Variants in RPL31 observed in about 807,000 individuals in gnomAD.
The protein encoded by RPL31 is large ribosomal subunit protein eL31.
For synonymous variants in RPL31, 51 were observed against 55.0 expected, an observed-to-expected ratio of 0.93 and a Z score of 0.32; for missense variants, 95 against 164.0, an observed-to-expected ratio of 0.58 and a Z score of 2.30.
intron 2 of RPL31, 40 bp from the exon 3 acceptor site, chr2:101,004,118 T>A: frequency 1.9e-6 from 3 of 1,599,680 alleles, no homozygotes; most frequent in Non-Finnish European, 2.6e-6. Flanking sequence ...TAATTTAGTT[T>A]TGTGCTCCTT....
chr2:101,006,205 T>C (rs1433602525), intron 4 of RPL31, 134 bp downstream of exon 4: 17 of 1,508,524 alleles, frequency 1.1e-5, no homozygotes, highest in Non-Finnish European at 1.5e-5. Context: ...TGTGGGAAGA[T>C]GCTAAAGAAT....
At chr2:101,012,725 G>C (rs894657207) in intron 4 of RPL31, among the ~76,000 whole-genome samples, 2 of 152,226 alleles carry the variant, frequency 1.3e-5, no homozygotes, top group South Asian at 4.1e-4. Flanking sequence ...ACAATTATCG[G>C]GGATGACAGG....
At chr2:101,009,037 C>T (rs564869815), downstream of RPL31, among the ~76,000 whole-genome samples, 5 of 152,210 alleles carry the variant, frequency 3.3e-5, no homozygotes, top group African/African-American at 7.2e-5. Context: ...ATTGAGAATA[C>T]GTAATGTGAG....
chr2:101,010,398 G>T (rs899414447), downstream of RPL31, among the ~76,000 whole-genome samples: 1 of 152,130 alleles, frequency 6.6e-6, no homozygotes, highest in African/African-American at 2.4e-5. Flanking sequence ...CTGGATAAAT[G>T]AATTTTATAC....
In RPL31 at chr2:101,019,042, G is replaced by C. The variant is rs749025644; in HGVS notation, c.*4G>C. The C allele has an allele frequency of 2.9e-5, 46 of 1,610,828 alleles. No individual in the cohort carries two copies. The South Asian group carries it at 4.7e-4, about 16-fold the overall frequency. On this transcript the variant is annotated 3_prime_UTR_variant, in exon 5 of 5. Coordinates refer to the RPL31 transcript ENST00000409028. ...TACAGTCGCCAAGAGCCCATAAAGGGAGCCCTCCTGGAAGTGGATGAGGCC... is the reference window on the plus strand; with the variant it reads ...TACAGTCGCCAAGAGCCCATAAAGGCAGCCCTCCTGGAAGTGGATGAGGCC...
At chr2:101,019,073 T>A (rs760196056) in exon 5 of RPL31, 2 of 1,597,596 alleles carry the variant, frequency 1.3e-6, no homozygotes, top group Admixed American at 3.5e-5. Context: ...AGGCCTTGGG[T>A]CTCGGCTCTT....
chr2:101,011,839 G>A (rs1430944460), downstream of RPL31, among the ~76,000 whole-genome samples: 4 of 152,302 alleles, frequency 2.6e-5, no homozygotes, highest in East Asian at 7.7e-4. Context: ...AATGTATGTA[G>A]TGAAATCCCA....
exon 5 of RPL31, chr2:101,019,492 A>C (rs553832793): frequency 1.3e-5 from 2 of 153,360 alleles, no homozygotes; most frequent in South Asian, 4.1e-4. Flanking sequence ...GGTTGTCTGC[A>C]CTCTAGCTTT....
At chr2:101,003,486 A>G (rs1295651988) in intron 2 of RPL31, among the ~76,000 whole-genome samples, 1 of 151,956 alleles carries the variant, frequency 6.6e-6, no homozygotes, top group Non-Finnish European at 1.5e-5. Flanking sequence ...CCCCTTCCCT[A>G]ATGCTTTATT....
chr2:101,008,193 G>A (rs761003955), downstream of RPL31: 39 of 1,612,452 alleles, frequency 2.4e-5, no homozygotes, highest in Admixed American at 1.2e-4. Flanking sequence ...TGACTGTGGC[G>A]ATGGCTTGAT....
downstream of RPL31, chr2:101,007,669 T>G (rs1452673068): frequency 4.0e-6 from 3 of 748,320 alleles, no homozygotes; most frequent in Non-Finnish European, 6.6e-6. Context: ...GAGGGTTGTG[T>G]CGGTTCCCCT....
chr2:101,014,994 A>G (rs1679509109), intron 4 of RPL31, among the ~76,000 whole-genome samples: 1 of 152,186 alleles, frequency 6.6e-6, no homozygotes, highest in South Asian at 2.1e-4. Flanking sequence ...TGTGTCAATG[A>G]GAGGAATACG....
downstream of RPL31, chr2:101,007,979 A>G (rs555423938): frequency 6.2e-7 from 1 of 1,613,940 alleles, no homozygotes; most frequent in African/African-American, 1.3e-5. Flanking sequence ...AGTGAAGCTA[A>G]AATATGTTCA....
downstream of RPL31, among the ~76,000 whole-genome samples, chr2:101,009,767 T>C (rs909006594): frequency 1.3e-5 from 2 of 151,894 alleles, no homozygotes; most frequent in Non-Finnish European, 2.9e-5. Flanking sequence ...AATTCTACTC[T>C]TGAAGGGTCG....
At chr2:101,015,333 G>A (rs571806403) in intron 4 of RPL31, among the ~76,000 whole-genome samples, 3 of 152,296 alleles carry the variant, frequency 2.0e-5, no homozygotes, top group South Asian at 2.1e-4. Context: ...AGTGAGTAGC[G>A]AGTGAATATG....
intron 4 of RPL31, 101 bp from the exon 5 acceptor site, chr2:101,006,249 T>A: frequency 6.5e-7 from 1 of 1,537,100 alleles, no homozygotes; most frequent in Non-Finnish European, 8.7e-7. Context: ...TGTAAAAAGG[T>A]TGTGGAAAAT....
chr2:101,008,215 T>C (rs1177959905), downstream of RPL31: 1 of 1,602,410 alleles, frequency 6.2e-7, no homozygotes, highest in Non-Finnish European at 8.5e-7. Flanking sequence ...CAAATCATTT[T>C]CTTCTGGATC....
chr2:101,006,820 C>T lies in RPL31; in HGVS notation c.*439C>T, dbSNP rs1678760176. The T allele has an allele frequency of 6.4e-6, 1 of 156,498 alleles. No individual in the cohort carries two copies. The highest frequency in any genetic ancestry group is 2.4e-5 in the African/African-American group (1 of 41,534). The allele number at this position is 156,498 out of a possible 1,614,324, so 9.7% of individuals were successfully genotyped here. ...GGTCTTTTAAGCTTCTGCCTACATC[C>T]ATATTGAGTATAGTTGTTGTCTTCT... On this transcript the variant is annotated 3_prime_UTR_variant, in exon 5 of 5. Coordinates refer to ENST00000264258, the MANE Select transcript of RPL31 (RefSeq NM_000993.5).
downstream of RPL31, chr2:101,008,210 C>G (rs546321327): frequency 6.2e-7 from 1 of 1,605,494 alleles, no homozygotes; most frequent in Non-Finnish European, 8.5e-7. Flanking sequence ...TGATACAAAT[C>G]ATTTTCTTCT....
Sources: gnomAD v4.1 joint callset for allele counts (sites outside exome capture counted in the v4.1 genomes callset) on GRCh38, gnomAD v4.1.1 for gene constraint, MANE v1.5 for transcripts, NCBI Gene and HGNC (gene_info 2026-07-23, HGNC 2026-07-21) for gene names.